RABGAP1L: variants seen among roughly 807,000 people sequenced by gnomAD.
The protein encoded by RABGAP1L is RAB GTPase activating protein 1 like.
In RABGAP1L, 63 loss-of-function variants were observed where a neutral mutation model predicts 137.7. The ratio of observed to expected loss-of-function variants is 0.46; its 90% CI spans 0.37 to 0.56. The LOEUF (loss-of-function observed/expected upper bound fraction) is 0.56, where lower values mean the gene tolerates loss of function less well. Ranked by LOEUF, RABGAP1L falls within the 20% of genes least tolerant of loss-of-function variation. RABGAP1L has a pLI of 0.00. For missense variants in RABGAP1L, 1,095 were observed against 1,244.0 expected, an observed-to-expected ratio of 0.88 and a Z score of 1.80; for synonymous variants, 431 against 433.7, an observed-to-expected ratio of 0.99 and a Z score of 0.08.
chr1:174,987,738 T>C (rs1173138911), intron 24 of RABGAP1L, among the ~76,000 whole-genome samples: 1 of 152,230 alleles, frequency 6.6e-6, no homozygotes, highest in Non-Finnish European at 1.5e-5. Context: ...AGTACTATTG[T>C]CTGGAAAACA....
chr1:174,817,890 C>T (rs773733436), intron 19 of RABGAP1L, among the ~76,000 whole-genome samples: 1 of 152,092 alleles, frequency 6.6e-6, no homozygotes, highest in South Asian at 2.1e-4. Flanking sequence ...ATGTGAGCCT[C>T]AGGGCAGATA....
At chr1:174,589,062 C>T (rs1450320993) in intron 13 of RABGAP1L, among the ~76,000 whole-genome samples, 3 of 152,178 alleles carry the variant, frequency 2.0e-5, no homozygotes, top group Non-Finnish European at 2.9e-5. Flanking sequence ...TTTACATTCC[C>T]ACTAACAGTG....
intron 14 of RABGAP1L, among the ~76,000 whole-genome samples, chr1:174,656,226 G>T (rs978928631): frequency 2.6e-5 from 4 of 152,204 alleles, no homozygotes; most frequent in Non-Finnish European, 5.9e-5. Flanking sequence ...GGAGGCCACG[G>T]CGGGTGGATG....
At chr1:174,259,046 C>T (rs1297531067) in intron 7 of RABGAP1L, among the ~76,000 whole-genome samples, 1 of 151,972 alleles carries the variant, frequency 6.6e-6, no homozygotes. Context: ...GCCTCAGCCT[C>T]CCAAAGTGCT....
intron 11 of RABGAP1L, among the ~76,000 whole-genome samples, chr1:174,345,982 T>G (rs906407526): frequency 1.3e-5 from 2 of 152,194 alleles, no homozygotes; most frequent in African/African-American, 4.8e-5. Context: ...ATCAAAATTT[T>G]TTAAGCATCA....
intron 11 of RABGAP1L, among the ~76,000 whole-genome samples, chr1:174,315,343 G>A (rs989779027): frequency 6.6e-6 from 1 of 152,024 alleles, no homozygotes; most frequent in Non-Finnish European, 1.5e-5. Flanking sequence ...AGTTGGCATG[G>A]AATATCTTTT....
At chr1:174,162,562 T>C (rs895056146) in intron 1 of RABGAP1L, among the ~76,000 whole-genome samples, 1 of 152,028 alleles carries the variant, frequency 6.6e-6, no homozygotes, top group Non-Finnish European at 1.5e-5. Context: ...TATGGATCAT[T>C]ATGACTGGTT....
chr1:174,782,188 C>A (rs554215171), intron 18 of RABGAP1L, among the ~76,000 whole-genome samples: 16 of 152,288 alleles, frequency 1.1e-4, no homozygotes, highest in Admixed American at 3.3e-4. Flanking sequence ...TTGATTCTTC[C>A]TATCCCTGAG....
rs367654491 is a variant in RABGAP1L at position 174,913,570 on chromosome 1, A to G, written c.2341-43887A>G. On this transcript the variant is annotated intron_variant, in intron 19 of 25. Coordinates refer to ENST00000681986, the MANE Select transcript of RABGAP1L (RefSeq NM_001366446.1). ...GAAATTTTCCAAGGCTTGACCCTGT[A>G]ACTTCTATAGTAGAGAAAAGGGCAG... Among the ~76,000 whole-genome samples the G allele has an allele frequency of 1.6e-4, 25 of 152,312 alleles. 1 individual carries two copies. Among genetic ancestry groups the G allele is most frequent in the African/African-American group, 5.1e-4 (21 of 41,572 alleles).
chr1:174,265,210 A>G (rs1673955637), intron 7 of RABGAP1L, among the ~76,000 whole-genome samples: 1 of 152,212 alleles, frequency 6.6e-6, no homozygotes, highest in African/African-American at 2.4e-5. Flanking sequence ...ATTTTGATGC[A>G]TATAGCTAGT....
chr1:174,756,981 C>T (rs1482050829), intron 18 of RABGAP1L: 3 of 933,616 alleles, frequency 3.2e-6, no homozygotes, highest in South Asian at 1.3e-5. Flanking sequence ...AGAAACTGGC[C>T]AAGGACAACA....
At chr1:174,233,193 C>A (rs980630686) in intron 4 of RABGAP1L, among the ~76,000 whole-genome samples, 3 of 152,104 alleles carry the variant, frequency 2.0e-5, no homozygotes, top group African/African-American at 7.2e-5. Flanking sequence ...CTCCTCCCTT[C>A]TCTCTCTTCA....
At chr1:174,927,530 A>G (rs375510732) in intron 19 of RABGAP1L, among the ~76,000 whole-genome samples, 2 of 152,148 alleles carry the variant, frequency 1.3e-5, no homozygotes, top group East Asian at 3.9e-4. Flanking sequence ...ACACCAAGCC[A>G]TATTTCCTCT....
At chr1:174,968,833 A>G (rs1397253672) in intron 20 of RABGAP1L, among the ~76,000 whole-genome samples, 3 of 152,204 alleles carry the variant, frequency 2.0e-5, no homozygotes, top group Non-Finnish European at 4.4e-5. Flanking sequence ...CTGTCTTAGA[A>G]AAACAATTTG....
chr1:174,266,160 G>C (rs1383618991), intron 7 of RABGAP1L, among the ~76,000 whole-genome samples: 1 of 152,140 alleles, frequency 6.6e-6, no homozygotes, highest in Non-Finnish European at 1.5e-5. Context: ...TCTTGGTCAA[G>C]TTATTTAACT....
At chr1:174,198,690 G>A (rs987830378) in intron 1 of RABGAP1L, among the ~76,000 whole-genome samples, 1 of 152,172 alleles carries the variant, frequency 6.6e-6, no homozygotes, top group Non-Finnish European at 1.5e-5. Context: ...GGGGAATTGA[G>A]GTAAAGTAAT....
intron 7 of RABGAP1L, among the ~76,000 whole-genome samples, chr1:174,259,640 G>C (rs1046420195): frequency 6.6e-6 from 1 of 152,068 alleles, no homozygotes; most frequent in African/African-American, 2.4e-5. Flanking sequence ...TATGAAAACT[G>C]TTCTCAAGTC....
intron 18 of RABGAP1L, among the ~76,000 whole-genome samples, chr1:174,802,764 A>G (rs1167255853): frequency 6.6e-6 from 1 of 152,212 alleles, no homozygotes; most frequent in Non-Finnish European, 1.5e-5. Context: ...TATGGCTGTT[A>G]GTTGGGCTCT....
intron 1 of RABGAP1L, among the ~76,000 whole-genome samples, chr1:174,210,492 G>A (rs1041508577): frequency 5.3e-5 from 8 of 152,126 alleles, no homozygotes; most frequent in African/African-American, 9.7e-5. Context: ...TGATCAAGCC[G>A]AAGGAAGAAT....
Sources: gnomAD v4.1 joint callset for allele counts (sites outside exome capture counted in the v4.1 genomes callset) on GRCh38, gnomAD v4.1.1 for gene constraint, MANE v1.5 for transcripts, NCBI Gene and HGNC (gene_info 2026-07-23, HGNC 2026-07-21) for gene names.